PLCB1: variants seen among roughly 807,000 people sequenced by gnomAD.
PLCB1 encodes phospholipase C beta 1.
PLCB1 carries 46 observed loss-of-function variants against 161.8 expected under a neutral mutation model. The observed-to-expected ratio is 0.28, with a 90% CI of 0.22 to 0.36. The LOEUF (loss-of-function observed/expected upper bound fraction) is 0.36, where lower values mean the gene tolerates loss of function less well. Among genes scored for constraint, PLCB1 ranks in the 10% least tolerant of loss-of-function variants. The pLI is 1.00. For missense variants in PLCB1, 1,016 were observed against 1,472.5 expected (o/e 0.69, Z 5.07); for synonymous variants, 517 against 503.7 (o/e 1.03, Z -0.35).
chr20:8,402,516 C>T (rs1978597181), intron 3 of PLCB1, among the ~76,000 whole-genome samples: 1 of 151,898 alleles, frequency 6.6e-6, no homozygotes, highest in Admixed American at 6.6e-5. Context: ...ATTATGTATC[C>T]ATGTACTTCA....
intron 2 of PLCB1, among the ~76,000 whole-genome samples, chr20:8,287,388 G>T (rs534398288): frequency 6.6e-6 from 1 of 152,224 alleles, no homozygotes; most frequent in South Asian, 2.1e-4. Flanking sequence ...ATAAAGAAGA[G>T]GATAAGATGT....
At chr20:8,331,355 T>C (rs1449257201) in intron 2 of PLCB1, among the ~76,000 whole-genome samples, 1 of 152,226 alleles carries the variant, frequency 6.6e-6, no homozygotes, top group East Asian at 1.9e-4. Flanking sequence ...TGAAGTTTTT[T>C]TTTTTTTTTC....
At chr20:8,668,354 A>G (rs761450277) in intron 9 of PLCB1, among the ~76,000 whole-genome samples, 4 of 152,214 alleles carry the variant, frequency 2.6e-5, no homozygotes, top group Non-Finnish European at 5.9e-5. Context: ...CAGCTGTGAC[A>G]GCAAAGATTA....
intron 19 of PLCB1, among the ~76,000 whole-genome samples, chr20:8,735,996 C>T (rs1447117499): frequency 6.6e-6 from 1 of 152,130 alleles, no homozygotes; most frequent in African/African-American, 2.4e-5. Flanking sequence ...GATTTCTGGC[C>T]CAGCCATAAT....
At chr20:8,216,104 A>G (rs899350476) in intron 2 of PLCB1, among the ~76,000 whole-genome samples, 10 of 152,080 alleles carry the variant, frequency 6.6e-5, no homozygotes, top group African/African-American at 2.4e-4. Flanking sequence ...ATTATAGGAC[A>G]TGGGGACATG....
chr20:8,136,482 C>T (rs984181818), intron 1 of PLCB1, among the ~76,000 whole-genome samples: 4 of 152,076 alleles, frequency 2.6e-5, no homozygotes, highest in South Asian at 2.1e-4. Context: ...AAAAATTAGC[C>T]GGGCGTGGTG....
intron 2 of PLCB1, among the ~76,000 whole-genome samples, chr20:8,370,236 C>G (rs1293815151): frequency 6.6e-6 from 1 of 152,232 alleles, no homozygotes; most frequent in Non-Finnish European, 1.5e-5. Flanking sequence ...TCTAATGCAG[C>G]AACCTGTGTG....
intron 2 of PLCB1, among the ~76,000 whole-genome samples, chr20:8,259,722 T>C (rs1981600565): frequency 6.6e-6 from 1 of 152,164 alleles, no homozygotes; most frequent in Non-Finnish European, 1.5e-5. Context: ...TGATTACCAT[T>C]GTTTTGCTGC....
At chr20:8,300,189 G>A (rs1176171900) in intron 2 of PLCB1, among the ~76,000 whole-genome samples, 7 of 152,238 alleles carry the variant, frequency 4.6e-5, no homozygotes, top group East Asian at 3.9e-4. Flanking sequence ...GAATGTTCTC[G>A]TGGGAATGAC....
intron 3 of PLCB1, among the ~76,000 whole-genome samples, chr20:8,601,688 C>G (rs1175307446): frequency 6.6e-6 from 1 of 152,170 alleles, no homozygotes. Flanking sequence ...CTGTGATGTG[C>G]AAAGCCAGGA....
chr20:8,593,337 T>C (rs1418857013), intron 3 of PLCB1, among the ~76,000 whole-genome samples: 1 of 151,966 alleles, frequency 6.6e-6, no homozygotes, highest in Non-Finnish European at 1.5e-5. Context: ...CATGCCCATC[T>C]AATTTGTGTG....
At chr20:8,485,185 G>C (rs980850092) in intron 3 of PLCB1, among the ~76,000 whole-genome samples, 3 of 152,110 alleles carry the variant, frequency 2.0e-5, no homozygotes, top group Non-Finnish European at 4.4e-5. Flanking sequence ...AAATCTGGAG[G>C]GTTCTATTAG....
intron 31 of PLCB1, among the ~76,000 whole-genome samples, chr20:8,799,543 A>G (rs1412801536): frequency 6.6e-6 from 1 of 152,146 alleles, no homozygotes; most frequent in Non-Finnish European, 1.5e-5. Context: ...ATTTTGATAT[A>G]ACCAGGATAG....
intron 3 of PLCB1, among the ~76,000 whole-genome samples, chr20:8,571,256 G>A (rs1200585998): frequency 6.6e-6 from 1 of 152,148 alleles, no homozygotes; most frequent in Non-Finnish European, 1.5e-5. Context: ...CTGGGACAGA[G>A]GGATGACTTG....
chr20:8,818,466 A>G (rs1985180101), intron 31 of PLCB1, among the ~76,000 whole-genome samples: 2 of 152,234 alleles, frequency 1.3e-5, no homozygotes, highest in Non-Finnish European at 2.9e-5. Flanking sequence ...AAGAATAAAT[A>G]AAAGATACAA....
At chr20:8,870,479 C>A (rs1987573446) in intron 31 of PLCB1, among the ~76,000 whole-genome samples, 1 of 152,074 alleles carries the variant, frequency 6.6e-6, no homozygotes. Flanking sequence ...AGGAGTTTTC[C>A]TCTGTGGCGG....
chr20:8,507,243 T>G (rs1006604180), intron 3 of PLCB1, among the ~76,000 whole-genome samples: 2 of 152,160 alleles, frequency 1.3e-5, no homozygotes, highest in Non-Finnish European at 2.9e-5. Flanking sequence ...GAGGACTTGG[T>G]CTTACTGTCT....
chr20:8,640,352 A>C (rs1332602365), intron 4 of PLCB1, among the ~76,000 whole-genome samples: 1 of 152,222 alleles, frequency 6.6e-6, no homozygotes, highest in African/African-American at 2.4e-5. Flanking sequence ...TAAGGAAATT[A>C]GCAGTGCTTT....
At chr20:8,275,250 AGTGTGTGTGTGTGTGTGTGTGT>A (rs3031931) in intron 2 of PLCB1, among the ~76,000 whole-genome samples, 5 of 145,458 alleles carry the variant, frequency 3.4e-5, no homozygotes, top group Non-Finnish European at 7.5e-5. Flanking sequence ...CATCAGCGTG[AGTGTGTGTGTGTGTGTGTGTGT>A]GTGTGTGTGT....
Sources: gnomAD v4.1 joint callset for allele counts (sites outside exome capture counted in the v4.1 genomes callset) on GRCh38, gnomAD v4.1.1 for gene constraint, MANE v1.5 for transcripts, NCBI Gene and HGNC (gene_info 2026-07-23, HGNC 2026-07-21) for gene names.